The following USP11 variants were observed in gnomAD, a reference collection of about 807,000 sequenced individuals.
The protein encoded by USP11 is ubiquitin specific peptidase 11, also known as ubiquitin carboxyl-terminal hydrolase 11.
A neutral mutation model predicts 72.8 loss-of-function variants in USP11; 5 were observed. The observed-to-expected ratio is 0.07, with a 90% confidence interval of 0.04 to 0.14. USP11 has a LOEUF of 0.14. Among genes scored for constraint, USP11 ranks in the 10% least tolerant of loss-of-function variants. The probability of loss-of-function intolerance (pLI) is 1.00; values close to 1 mark genes in which losing one functional copy is unlikely to be tolerated. For missense variants in USP11, 480 were observed against 794.7 expected (o/e 0.60, Z 4.76); for synonymous variants, 368 against 326.5 (o/e 1.13, Z -1.37).
Position 47,247,068 on chromosome X carries a change from G to A in USP11, c.2271-4G>A, listed in dbSNP as rs779982384. 2 of 1,205,326 alleles carry A rather than the reference G, an allele frequency of 1.7e-6. No individual in the cohort carries two copies. The highest frequency in any genetic ancestry group is 1.8e-5 in the African/African-American group (1 of 56,656). ...CCGTTTGCTGACTCGGGCTCTGTCT[G>A]TAGGTACTGCCCTTCCTGCAAGCAG... is the stretch of plus-strand genomic sequence containing the variant. On this transcript the variant is annotated splice_region_variant and splice_polypyrimidine_tract_variant and intron_variant, in intron 17 of 20. Coordinates refer to ENST00000377107, the MANE Select transcript of USP11 (RefSeq NM_001371072.1).
chrX:47,242,025 C>T lies in USP11; in HGVS notation c.1180-57C>T. ...TCACCCCATTTGAATGCACCCCAAG[C>T]CATGGTTTCCTCTTACCCTGGGCAA... On this transcript the variant is annotated intron_variant, in intron 9 of 20. Coordinates refer to ENST00000377107, the MANE Select transcript of USP11 (RefSeq NM_001371072.1). 5 of 1,147,395 alleles carry T rather than the reference C, an allele frequency of 4.4e-6. No individual in the cohort carries two copies. In the South Asian group the frequency reaches 9.6e-5, roughly 22 times the overall value. 94.6% of individuals were successfully genotyped at this position (1,147,395 alleles called of 1,213,427 possible). A position where few individuals can be genotyped will look rare whatever the true frequency, so the allele number is the denominator to read the frequency against.
chrX:47,242,054 C>T (rs373599613), intron 9 of USP11, 28 bp from the exon 10 acceptor site: 1 of 1,197,344 alleles, frequency 8.4e-7, no homozygotes, highest in Middle Eastern at 3.0e-4. Context: ...TGGGCAAGCC[C>T]CACCACCCAC....
In USP11 at chrX:47,240,513, C is replaced by T. The variant is rs1036465898; in HGVS notation, c.681+63C>T. The T allele has an allele frequency of 8.3e-6, 10 of 1,207,212 alleles. 1 individual carries two copies. The highest frequency in any genetic ancestry group is 4.4e-5 in the Admixed American group (2 of 45,748). On this transcript the variant is annotated intron_variant, in intron 5 of 20. Transcript: ENST00000377107. The stretch of plus-strand genomic sequence containing the variant: ...GCAGATAGACTCACCTGGCAGTACT[C>T]GGGGGAAATGAAGGCTAGGTACCCA...
chrX:47,244,903 A>G lies in USP11; in HGVS notation c.2065A>G (p.Thr689Ala), dbSNP rs1186405256. ...VNSNGTSDRTTSPEEVHAQPY... is the reference protein window; with the variant it reads ...VNSNGTSDRTASPEEVHAQPY... ...CTCCAATGGGACCAGCGACCGCACA[A>G]CCTCCCCTGAAGAAGTCCATGGTAT... Residue 689 changes from threonine to alanine, a missense_variant, in exon 15 of 21, where the codon ACC becomes GCC. Thr to Ala is a moderately conservative substitution (Grantham distance 58). Around this residue, in one of 5 missense-constraint regions of USP11, gnomAD observed 314 missense variants for 556.0 expected, o/e 0.56. Transcript: ENST00000377107. The G allele has an allele frequency of 8.3e-7, 1 of 1,211,071 alleles. No individual in the cohort carries two copies. Among genetic ancestry groups the G allele is most frequent in the East Asian group, 3.0e-5 (1 of 33,825 alleles).
chrX:47,235,483 C>T (rs2055367718), intron 1 of USP11, among the ~76,000 whole-genome samples: 1 of 111,067 alleles, frequency 9.0e-6, no homozygotes, highest in South Asian at 3.7e-4. Context: ...CCTCAAAATA[C>T]TCTTAACAGC....
chrX:47,241,218 C>T (rs2055401243), intron 7 of USP11, 59 bp from the exon 8 acceptor site: 1 of 1,125,125 alleles, frequency 8.9e-7, no homozygotes, highest in Admixed American at 2.8e-5. Flanking sequence ...TTTGTGTATC[C>T]TCACTTTGAA....
In USP11 at chrX:47,240,646, C is replaced by T. The variant is rs2055397591; in HGVS notation, c.741C>T (p.Val247=). The change falls in exon 6 of 21, where the codon GTC becomes GTT. Residue 247 remains valine, a splice_region_variant and synonymous_variant. Coordinates refer to ENST00000377107, the MANE Select transcript of USP11 (RefSeq NM_001371072.1). ...CTTGGCCCAGCGCACAGCTGCATGTCATGTGAGCCCTTGGGGTATCTGGTC... is the reference window on the plus strand; with the variant it reads ...CTTGGCCCAGCGCACAGCTGCATGTTATGTGAGCCCTTGGGGTATCTGGTC... The part of the protein sequence containing the change: ...DGTWPSAQLH[V]MNNNMSEEDE... 1 of 1,210,602 alleles carries T rather than the reference C, an allele frequency of 8.3e-7. No individual in the cohort carries two copies. The highest frequency in any genetic ancestry group is 1.1e-6 in the Non-Finnish European group (1 of 895,335).
rs375664030 is a variant in USP11 at position 47,239,498 on chromosome X, G to A, written c.417+17G>A. The stretch of plus-strand genomic sequence containing the variant: ...GAACGCAAGGTATAATGGATGGGGA[G>A]GGTGCATGGCGGGGAGTGCGTAGTA... On this transcript the variant is annotated intron_variant, in intron 3 of 20. Coordinates refer to ENST00000377107, the MANE Select transcript of USP11 (RefSeq NM_001371072.1). 14 of 1,208,568 alleles carry A rather than the reference G, an allele frequency of 1.2e-5. No homozygotes were observed. The highest frequency in any genetic ancestry group is 1.1e-4 in the South Asian group (6 of 56,532).
chrX:47,242,408 T>G, intron 10 of USP11, 31 bp from the exon 11 acceptor site: 1 of 1,210,592 alleles, frequency 8.3e-7, no homozygotes, highest in Non-Finnish European at 1.1e-6. Flanking sequence ...CAAGCCCTTT[T>G]GGTCTTTTGT....
Position 47,239,083 on chromosome X carries a change from A to G in USP11, c.190A>G (p.Lys64Glu). 1 of 1,208,999 alleles carries G rather than the reference A, an allele frequency of 8.3e-7. No homozygotes were observed. The highest frequency in any genetic ancestry group is 1.1e-6 in the Non-Finnish European group (1 of 894,092). ...TCTGGGCCCCAGGTTCCTTGTGGAG[A>G]AGCACTGGTATAAGCAGTGGGAGGC... ...RAGESWFLVE[K>E]HWYKQWEAYV... is the part of the protein sequence containing the mutation. Residue 64 changes from lysine (K) to glutamate (E), a missense_variant, in exon 2 of 21, where the codon AAG becomes GAG. By Grantham distance (56) the Lys-to-Glu change is moderately conservative. This residue lies in a region of USP11 where 71 missense variants were observed against 71.4 expected (regional missense o/e 0.99). Coordinates refer to ENST00000377107, the MANE Select transcript of USP11 (RefSeq NM_001371072.1).
intron 19 of USP11, 78 bp downstream of exon 19, chrX:47,247,497 C>T (rs2055440992): frequency 2.6e-6 from 3 of 1,159,743 alleles, no homozygotes; most frequent in East Asian, 6.0e-5. Flanking sequence ...CAGTGAGTGA[C>T]TAGGGATGTG....
intron 1 of USP11, among the ~76,000 whole-genome samples, chrX:47,236,295 T>C (rs1165583946): frequency 8.9e-6 from 1 of 112,571 alleles, no homozygotes; most frequent in Non-Finnish European, 1.9e-5. Flanking sequence ...GAGCAAAGCA[T>C]CTCAAGGTTC....
At chrX:47,238,487 C>CTTT (rs57112058) in intron 1 of USP11, among the ~76,000 whole-genome samples, 1,424 of 44,281 alleles carry the variant, frequency 0.032, 192 homozygotes, top group African/African-American at 0.11. Flanking sequence ...TGTGCCCGGT[C>CTTT]TTTTTTTTTT....
Position 47,244,705 on chromosome X carries a change from G to A in USP11, c.1867G>A (p.Asp623Asn), listed in dbSNP as rs1011717148. 8.3e-7 allele frequency: 1 copy of A among 1,208,290 alleles called. No individual in the cohort carries two copies. The highest frequency in any genetic ancestry group is 2.2e-5 in the Admixed American group (1 of 45,680). The change falls in exon 15 of 21, where the codon GAC becomes AAC. Residue 623 changes from aspartate to asparagine, a missense_variant. Physicochemically the swap from Asp to Asn is conservative, Grantham distance 23 (BLOSUM62 1). Coordinates refer to ENST00000377107, the MANE Select transcript of USP11 (RefSeq NM_001371072.1). ...AGAAGATGACGAGGAGGATAAAGAT[G>A]ACGTCCCTGGGCCCTCAACTGGGGG... ...EKEDDEEDKD[D>N]VPGPSTGGSL...
At chrX:47,241,776 G>T (rs2055404634) in intron 9 of USP11, 77 bp downstream of exon 9, 2 of 1,067,949 alleles carry the variant, frequency 1.9e-6, no homozygotes, top group Non-Finnish European at 1.2e-6. Context: ...CCTCCCTGGG[G>T]TATCTAACAC....
At chrX:47,233,290 C>T in intron 1 of USP11, 71 bp downstream of exon 1, 1 of 770,558 alleles carries the variant, frequency 1.3e-6, no homozygotes, top group Non-Finnish European at 1.5e-6. Flanking sequence ...GGGGATTCGG[C>T]GGCCGAGGGC....
chrX:47,242,486 G>A lies in USP11; in HGVS notation c.1452G>A (p.Val484=). The A allele has an allele frequency of 1.7e-6, 2 of 1,212,095 alleles. No homozygotes were observed. The highest frequency in any genetic ancestry group is 2.2e-6 in the Non-Finnish European group (2 of 895,605). The part of the protein sequence containing the change: ...PKKGKISDLC[V]ALSKHTGISP... Reference sequence around the variant, plus strand: ...AAGGCAAGATCTCGGATCTATGTGTGGCTCTGTCCAAACACACGGGCATCT... The same window carrying A: ...AAGGCAAGATCTCGGATCTATGTGTAGCTCTGTCCAAACACACGGGCATCT... Residue 484 remains valine (V), a synonymous_variant, in exon 11 of 21, where the codon GTG becomes GTA. Coordinates refer to ENST00000377107, the MANE Select transcript of USP11 (RefSeq NM_001371072.1).
intron 17 of USP11, 58 bp from the exon 18 acceptor site, chrX:47,247,014 C>T (rs1460208335): frequency 2.0e-5 from 23 of 1,131,111 alleles, no homozygotes; most frequent in Non-Finnish European, 1.2e-5. Context: ...GAGCGATTCT[C>T]TGTCTCAAAA....
At chrX:47,244,133 C>G (rs1021993440) in intron 13 of USP11, among the ~76,000 whole-genome samples, 5 of 94,626 alleles carry the variant, frequency 5.3e-5, no homozygotes, top group Non-Finnish European at 1.0e-4. Flanking sequence ...GAGTCTTGCT[C>G]TGTTGCCCAG....
Sources: gnomAD v4.1 joint callset for allele counts (sites outside exome capture counted in the v4.1 genomes callset) on GRCh38, gnomAD v4.1.1 for gene constraint, gnomAD v4.1.1 regional missense constraint, MANE v1.5 for transcripts, NCBI Gene and HGNC (gene_info 2026-07-23, HGNC 2026-07-21) for gene names.